Variants in RWDD1 observed in about 807,000 individuals in gnomAD.
RWDD1 encodes the protein RWD domain-containing protein 1.
RWDD1 carries 17 observed loss-of-function variants against 31.6 expected under a neutral mutation model. The observed-to-expected ratio is 0.54, with a 90% CI of 0.37 to 0.81. The LOEUF is 0.81. Ranked by LOEUF, RWDD1 falls within the 30% of genes least tolerant of loss-of-function variation. The pLI is 0.00. For synonymous variants in RWDD1, 78 were observed against 94.2 expected, an observed-to-expected ratio of 0.83 and a Z score of 0.99; for missense variants, 204 against 274.5, an observed-to-expected ratio of 0.74 and a Z score of 1.82.
intron 1 of RWDD1, among the ~76,000 whole-genome samples, chr6:116,577,778 A>G (rs1426382880): frequency 1.3e-5 from 2 of 151,930 alleles, no homozygotes; most frequent in Non-Finnish European, 2.9e-5. Context: ...CTGTTGTTAG[A>G]TTTGTCTTCC....
chr6:116,571,704 C>G, intron 1 of RWDD1, 49 bp downstream of exon 1: 1 of 1,550,152 alleles, frequency 6.5e-7, no homozygotes, highest in East Asian at 2.3e-5. Flanking sequence ...TGGAGTAGGA[C>G]GGGCAGGAGC....
At chr6:116,585,100 T>A (rs1775015218) in intron 3 of RWDD1, among the ~76,000 whole-genome samples, 1 of 152,176 alleles carries the variant, frequency 6.6e-6, no homozygotes, top group Non-Finnish European at 1.5e-5. Context: ...TTCCCTCATG[T>A]CATTAGTGAT....
chr6:116,589,463 G>A (rs971349407), intron 4 of RWDD1, among the ~76,000 whole-genome samples: 8 of 152,150 alleles, frequency 5.3e-5, no homozygotes, highest in Non-Finnish European at 7.3e-5. Context: ...GGTTGGACAA[G>A]CTTGATATAG....
chr6:116,584,109 G>C (rs978587784), intron 2 of RWDD1, among the ~76,000 whole-genome samples: 3 of 152,212 alleles, frequency 2.0e-5, no homozygotes, highest in Non-Finnish European at 2.9e-5. Context: ...CTGCAGAGAG[G>C]CACCTTGCAC....
intron 1 of RWDD1, among the ~76,000 whole-genome samples, chr6:116,574,500 A>C (rs1054899291): frequency 6.6e-6 from 1 of 152,202 alleles, no homozygotes; most frequent in African/African-American, 2.4e-5. Flanking sequence ...TATTTTGTGG[A>C]AACTAAAGGT....
At chr6:116,574,530 G>A (rs1774800126) in intron 1 of RWDD1, among the ~76,000 whole-genome samples, 1 of 152,062 alleles carries the variant, frequency 6.6e-6, no homozygotes, top group African/African-American at 2.4e-5. Context: ...ATCTCTTAAT[G>A]TACCTTTTAG....
At chr6:116,577,804 A>G (rs1024959540) in intron 1 of RWDD1, among the ~76,000 whole-genome samples, 1 of 152,126 alleles carries the variant, frequency 6.6e-6, no homozygotes, top group Non-Finnish European at 1.5e-5. Flanking sequence ...TTTGAGAACA[A>G]TTCTGATCAT....
In RWDD1 at chr6:116,595,707, G is replaced by C. The variant is rs1335981618; in HGVS notation, c.*2606G>C. The C allele has an allele frequency of 1.3e-5, 2 of 152,206 alleles. No individual in the cohort carries two copies. The highest frequency in any genetic ancestry group is 2.9e-5 in the Non-Finnish European group (2 of 68,032). The allele number at this position is 152,206 out of a possible 1,614,324, so 9.4% of individuals were successfully genotyped here. A position where few individuals can be genotyped will look rare whatever the true frequency, so the allele number is the denominator to read the frequency against. On this transcript the variant is annotated 3_prime_UTR_variant, in exon 7 of 7. Coordinates refer to ENST00000466444, the MANE Select transcript of RWDD1 (RefSeq NM_015952.4). ...TGTTGAATGAATGAATTATAGAATA[G>C]AGTGCAAAATTAATTCTAATGTATT...
In RWDD1 at chr6:116,593,343, C is replaced by G. The variant is rs1775183523; in HGVS notation, c.*242C>G. 3.2e-6 allele frequency: 1 copy of G among 314,784 alleles called. No homozygotes were observed. The highest frequency in any genetic ancestry group is 2.2e-5 in the African/African-American group (1 of 46,152). 19.5% of individuals were successfully genotyped at this position (314,784 alleles called of 1,614,324 possible). On this transcript the variant is annotated 3_prime_UTR_variant, in exon 7 of 7. Coordinates refer to ENST00000466444, the MANE Select transcript of RWDD1 (RefSeq NM_015952.4). The stretch of plus-strand genomic sequence containing the variant: ...AAATCACCTAGTATTTGAGAGAGAT[C>G]CTGCCTATAGCACCAAGACTCGAAG...
At chr6:116,573,156 GTGCTATTCTTTTCAT>G (rs1185127924) in intron 1 of RWDD1, among the ~76,000 whole-genome samples, 5 of 152,206 alleles carry the variant, frequency 3.3e-5, no homozygotes, top group Non-Finnish European at 7.3e-5. Flanking sequence ...ACAGCAGGAT[GTGCTATTCTTTTCAT>G]TTCTTTGGAC....
intron 4 of RWDD1, 70 bp from the exon 5 acceptor site, chr6:116,590,202 A>G (rs1775114517): frequency 1.2e-5 from 10 of 852,804 alleles, no homozygotes; most frequent in Middle Eastern, 2.5e-4. Flanking sequence ...GATATGTTTA[A>G]AAGATACTGT....
At chr6:116,576,567 C>T (rs141623908) in intron 1 of RWDD1, among the ~76,000 whole-genome samples, 3 of 152,288 alleles carry the variant, frequency 2.0e-5, no homozygotes, top group South Asian at 2.1e-4. Context: ...TCCCCAGGTC[C>T]GGTAGTTCAC....
Position 116,596,218 on chromosome 6 carries a change from T to A in RWDD1, c.*3117T>A, listed in dbSNP as rs924350849. ...GTATGATTGTGTGTCAAAATGAGAGTCACACACTTCAAGAACTGTAGGAAC... is the reference window on the plus strand; with the variant it reads ...GTATGATTGTGTGTCAAAATGAGAGACACACACTTCAAGAACTGTAGGAAC... On this transcript the variant is annotated 3_prime_UTR_variant, in exon 7 of 7. Coordinates refer to ENST00000466444, the MANE Select transcript of RWDD1 (RefSeq NM_015952.4). 1 of 152,218 alleles carries A rather than the reference T, an allele frequency of 6.6e-6. No homozygotes were observed. The allele number at this position is 152,218 out of a possible 1,614,324, so 9.4% of individuals were successfully genotyped here.
intron 6 of RWDD1, among the ~76,000 whole-genome samples, chr6:116,592,215 A>G (rs1775157944): frequency 6.6e-6 from 1 of 152,012 alleles, no homozygotes; most frequent in African/African-American, 2.4e-5. Context: ...ATTTTTTCTC[A>G]GGAATTTCAT....
chr6:116,575,243 G>A (rs1774818332), intron 1 of RWDD1, among the ~76,000 whole-genome samples: 1 of 152,062 alleles, frequency 6.6e-6, no homozygotes, highest in South Asian at 2.1e-4. Flanking sequence ...GTGCCACCAT[G>A]CCTGGCTAAT....
intron 6 of RWDD1, among the ~76,000 whole-genome samples, chr6:116,591,672 C>T (rs1462637672): frequency 6.6e-6 from 1 of 152,264 alleles, no homozygotes; most frequent in Admixed American, 6.5e-5. Flanking sequence ...GTTCTCTCCC[C>T]TCGGGAGCTT....
chr6:116,595,847 T>C lies in RWDD1; in HGVS notation c.*2746T>C, dbSNP rs781761003. The C allele has an allele frequency of 1.3e-5, 2 of 152,196 alleles. No homozygotes were observed. The highest frequency in any genetic ancestry group is 2.9e-5 in the Non-Finnish European group (2 of 68,024). 9.4% of individuals were successfully genotyped at this position (152,196 alleles called of 1,614,324 possible). On this transcript the variant is annotated 3_prime_UTR_variant, in exon 7 of 7. Transcript: ENST00000466444. ...CTTTTGCCAGCAGAGGTGGATGCCTTAGGGAAAAAGTTGGATAAATGCTGA... is the reference window on the plus strand; with the variant it reads ...CTTTTGCCAGCAGAGGTGGATGCCTCAGGGAAAAAGTTGGATAAATGCTGA...
intron 6 of RWDD1, among the ~76,000 whole-genome samples, chr6:116,592,030 C>T (rs1019383421): frequency 1.3e-5 from 2 of 152,228 alleles, no homozygotes; most frequent in African/African-American, 4.8e-5. Context: ...TCTTCCTCCT[C>T]CTAGTGCCAT....
chr6:116,584,102 C>T (rs1562378162), intron 2 of RWDD1, among the ~76,000 whole-genome samples: 1 of 152,196 alleles, frequency 6.6e-6, no homozygotes. Context: ...GCCTGTGCTG[C>T]AGAGAGGCAC....
Sources: gnomAD v4.1 joint callset for allele counts (sites outside exome capture counted in the v4.1 genomes callset) on GRCh38, gnomAD v4.1.1 for gene constraint, MANE v1.5 for transcripts, NCBI Gene and HGNC (gene_info 2026-07-23, HGNC 2026-07-21) for gene names.